KCNMA1: variants seen among roughly 807,000 people sequenced by gnomAD.
KCNMA1 encodes potassium calcium-activated channel subfamily M alpha 1.
KCNMA1 carries 29 observed loss-of-function variants against 140.0 expected under a neutral mutation model. The ratio of observed to expected loss-of-function variants is 0.21; its 90% confidence interval spans 0.15 to 0.28. KCNMA1 has a LOEUF of 0.28. Ranked by LOEUF, KCNMA1 falls within the 10% of genes least tolerant of loss-of-function variation. KCNMA1 has a pLI of 1.00. For missense variants in KCNMA1, 880 were observed against 1,602.2 expected (o/e 0.55, Z 7.70); for synonymous variants, 612 against 611.9 (o/e 1.00, Z 0.00).
chr10:77,382,982 G>GTATA (rs1697557016), intron 2 of KCNMA1, among the ~76,000 whole-genome samples: 3 of 75,368 alleles, frequency 4.0e-5, no homozygotes, highest in African/African-American at 2.3e-4. Context: ...GTGTGTGTGT[G>GTATA]TGTGTGTGTG....
chr10:77,135,699 G>T (rs1381500675), intron 5 of KCNMA1, among the ~76,000 whole-genome samples: 1 of 152,180 alleles, frequency 6.6e-6, no homozygotes, highest in Non-Finnish European at 1.5e-5. Flanking sequence ...CAATGTGGAT[G>T]AACCTAAAGT....
chr10:77,508,302 G>C (rs530489691), intron 1 of KCNMA1, among the ~76,000 whole-genome samples: 1 of 150,688 alleles, frequency 6.6e-6, no homozygotes, highest in Non-Finnish European at 1.5e-5. Context: ...AACCTCCTAA[G>C]TAGCTGGGAC....
At chr10:76,993,045 C>A (rs1433518098) in intron 19 of KCNMA1, among the ~76,000 whole-genome samples, 1 of 152,176 alleles carries the variant, frequency 6.6e-6, no homozygotes, top group Non-Finnish European at 1.5e-5. Context: ...TTCCCATGAG[C>A]TCTAACTGAA....
intron 1 of KCNMA1, among the ~76,000 whole-genome samples, chr10:77,498,038 T>G (rs2042561358): frequency 6.6e-6 from 1 of 151,392 alleles, no homozygotes; most frequent in Admixed American, 6.6e-5. Flanking sequence ...CTGCCACAGC[T>G]CAGCAAACTA....
intron 1 of KCNMA1, among the ~76,000 whole-genome samples, chr10:77,568,516 C>G (rs1305083651): frequency 2.0e-5 from 3 of 151,946 alleles, no homozygotes; most frequent in African/African-American, 4.8e-5. Flanking sequence ...CAGAAAAGGC[C>G]TTTGACAAAA....
chr10:77,042,735 C>A (rs1240715980), intron 14 of KCNMA1, among the ~76,000 whole-genome samples: 1 of 152,076 alleles, frequency 6.6e-6, no homozygotes, highest in African/African-American at 2.4e-5. Context: ...ATTCTTTATA[C>A]CAAATTTTAT....
chr10:77,021,097 TAC>T (rs1442303175), intron 16 of KCNMA1: 1 of 152,210 alleles, frequency 6.6e-6, no homozygotes, highest in African/African-American at 2.4e-5. Context: ...TGGAATATAA[TAC>T]AGTCTTCTTA....
intron 5 of KCNMA1, among the ~76,000 whole-genome samples, chr10:77,151,426 C>T (rs974305254): frequency 4.0e-5 from 6 of 151,080 alleles, no homozygotes; most frequent in Non-Finnish European, 8.8e-5. Flanking sequence ...TGGAGTTTCA[C>T]CATGTTGGTC....
At chr10:77,518,018 G>T (rs905020570) in intron 1 of KCNMA1, among the ~76,000 whole-genome samples, 1 of 152,130 alleles carries the variant, frequency 6.6e-6, no homozygotes, top group Non-Finnish European at 1.5e-5. Context: ...AGCCAGCCTC[G>T]TTCCCTCCCC....
At chr10:77,273,154 T>C (rs1287066585) in intron 2 of KCNMA1, among the ~76,000 whole-genome samples, 1 of 152,198 alleles carries the variant, frequency 6.6e-6, no homozygotes, top group Non-Finnish European at 1.5e-5. Flanking sequence ...CAAAACCTAT[T>C]GTGAAGTAAG....
At chr10:76,947,128 A>G (rs1010833261) in intron 22 of KCNMA1, among the ~76,000 whole-genome samples, 1 of 152,068 alleles carries the variant, frequency 6.6e-6, no homozygotes, top group Non-Finnish European at 1.5e-5. Context: ...TGAGGTCAGG[A>G]GTTTGCAACC....
chr10:77,250,244 G>C (rs1386576892), intron 3 of KCNMA1: 1 of 152,180 alleles, frequency 6.6e-6, no homozygotes, highest in Non-Finnish European at 1.5e-5. Flanking sequence ...AGCCAACCAT[G>C]CCAGGGATAG....
At chr10:77,277,614 G>T (rs2067033345) in intron 2 of KCNMA1, among the ~76,000 whole-genome samples, 1 of 152,050 alleles carries the variant, frequency 6.6e-6, no homozygotes, top group Non-Finnish European at 1.5e-5. Flanking sequence ...TTCCCCAGGG[G>T]GCTTATTCTC....
At chr10:77,381,031 T>C (rs941488301) in intron 2 of KCNMA1, among the ~76,000 whole-genome samples, 2 of 152,192 alleles carry the variant, frequency 1.3e-5, no homozygotes, top group Non-Finnish European at 2.9e-5. Flanking sequence ...GGCTTTTCTA[T>C]TTCTCCCCAA....
intron 3 of KCNMA1, among the ~76,000 whole-genome samples, chr10:77,207,765 G>A (rs965099624): frequency 2.0e-5 from 3 of 152,124 alleles, no homozygotes; most frequent in Non-Finnish European, 4.4e-5. Context: ...CCCTCTCCTT[G>A]AGCCTGTGAT....
chr10:77,615,280 C>T (rs2088989920), intron 1 of KCNMA1, among the ~76,000 whole-genome samples: 1 of 152,208 alleles, frequency 6.6e-6, no homozygotes, highest in Non-Finnish European at 1.5e-5. Flanking sequence ...CCCAGGATCA[C>T]CAGATGGGTC....
chr10:77,602,483 A>C (rs1273852509), intron 1 of KCNMA1, among the ~76,000 whole-genome samples: 2 of 152,228 alleles, frequency 1.3e-5, no homozygotes. Context: ...ATTAAATAAT[A>C]GCAATGATTG....
chr10:76,883,969 T>C (rs897493313), downstream of KCNMA1: 34 of 979,112 alleles, frequency 3.5e-5, no homozygotes, highest in Non-Finnish European at 4.1e-5. Flanking sequence ...TAGTCAAATA[T>C]GGTGAATTCT....
chr10:77,464,025 A>G (rs1465213772), intron 1 of KCNMA1, among the ~76,000 whole-genome samples: 1 of 151,882 alleles, frequency 6.6e-6, no homozygotes, highest in East Asian at 1.9e-4. Flanking sequence ...CCCACCCTAG[A>G]CCTCCCGAAT....
Sources: allele counts gnomAD v4.1 joint callset (sites outside exome capture counted in the v4.1 genomes callset), GRCh38; gene constraint gnomAD v4.1.1; transcripts MANE v1.5; gene names NCBI Gene and HGNC (gene_info 2026-07-23, HGNC 2026-07-21).